The following NLE1 variants were observed in gnomAD, a reference collection of about 807,000 sequenced individuals.
NLE1 encodes notchless protein homolog 1.
NLE1 carries 37 observed loss-of-function variants against 62.8 expected under a neutral mutation model. That is an observed-to-expected ratio of 0.59 (90% CI 0.45 to 0.78). The LOEUF (loss-of-function observed/expected upper bound fraction) is 0.78, where lower values mean the gene tolerates loss of function less well. NLE1 is among the 30% of genes least tolerant of loss of function. The pLI, the probability that NLE1 is intolerant of heterozygous loss-of-function variation, is 0.00. For missense variants in NLE1, 555 were observed against 637.9 expected, an observed-to-expected ratio of 0.87 and a Z score of 1.40; for synonymous variants, 243 against 253.0, an observed-to-expected ratio of 0.96 and a Z score of 0.37.
Position 35,139,223 on chromosome 17 carries a change from T to G in NLE1, c.460+12A>C. 1 of 1,612,200 alleles carries G rather than the reference T, an allele frequency of 6.2e-7. No individual in the cohort carries two copies. The highest frequency in any genetic ancestry group is 1.3e-5 in the African/African-American group (1 of 74,982). On this transcript the variant is annotated intron_variant, in intron 4 of 12. Coordinates refer to ENST00000442241, the MANE Select transcript of NLE1 (RefSeq NM_018096.5). ...AAAAGAAGACCCCCTAAATGGCTAATTGCATACTGACCCTTGCATGTGAAA... is the reference window on the plus strand; with the variant it reads ...AAAAGAAGACCCCCTAAATGGCTAAGTGCATACTGACCCTTGCATGTGAAA...
Position 35,137,548 on chromosome 17 carries a change from G to A in NLE1, c.630C>T (p.Leu210=), listed in dbSNP as rs764758756. 1.1e-5 allele frequency: 17 copies of A among 1,607,860 alleles called. No individual in the cohort carries two copies. Among genetic ancestry groups the A allele is most frequent in the East Asian group, 2.2e-5 (1 of 44,870 alleles). The change falls in exon 6 of 13, where the codon CTC becomes CTT. Residue 210 remains leucine, a synonymous_variant. Coordinates refer to ENST00000442241, the MANE Select transcript of NLE1 (RefSeq NM_018096.5). ...GCTCCGTCAGTGTCACTTACGCATG[G>A]AGGGGCTCCCAGCTCAGGCCTGTGA... is the stretch of plus-strand genomic sequence containing the variant. The part of the protein sequence containing the change: ...KWITGLSWEP[L]HANPECRYVA...
chr17:35,136,934 T>C, intron 7 of NLE1, 67 bp downstream of exon 7: 2 of 1,414,070 alleles, frequency 1.4e-6, no homozygotes, highest in South Asian at 1.3e-5. Context: ...GTCAAGGTCA[T>C]TCTGAGTGCC....
intron 12 of NLE1, among the ~76,000 whole-genome samples, chr17:35,132,726 CCCT>C (rs1424794305): frequency 2.0e-5 from 3 of 152,164 alleles, no homozygotes; most frequent in African/African-American, 4.8e-5. Flanking sequence ...AGAGTGTTGA[CCCT>C]CCTATTTTTG....
In NLE1 at chr17:35,130,460, A is replaced by G. The variant is rs755774636; in HGVS notation, c.*1977T>C. 1 of 1,605,588 alleles carries G rather than the reference A, an allele frequency of 6.2e-7. No individual in the cohort carries two copies. The highest frequency in any genetic ancestry group is 8.5e-7 in the Non-Finnish European group (1 of 1,175,396). ...GGGGGAGGGCCCCAGGACACCCCTC[A>G]CCTACTTTCAGCTTCAACCCCAGGC... On this transcript the variant is annotated 3_prime_UTR_variant, in exon 13 of 13. Coordinates refer to ENST00000442241, the MANE Select transcript of NLE1 (RefSeq NM_018096.5).
intron 9 of NLE1, 29 bp from the exon 10 acceptor site, chr17:35,135,480 GGGTGT>G (rs1158268712): frequency 2.5e-6 from 4 of 1,607,358 alleles, no homozygotes; most frequent in Non-Finnish European, 3.4e-6. Flanking sequence ...ACACTGTGTT[GGGTGT>G]GGTCTCAGAA....
Position 35,136,428 on chromosome 17 carries a change from C to T in NLE1, c.898G>A (p.Ala300Thr). ...VNTMALSTDY[A>T]LRTGAFEPAE... The stretch of plus-strand genomic sequence containing the variant: ...GGTTCAAAGGCCCCAGTGCGCAGGG[C>T]ATAGTCAGTGCTGAGGGCCATGGTG... Residue 300 changes from alanine to threonine, a missense_variant, in exon 8 of 13, where the codon GCC (alanine) becomes ACC (threonine). Coordinates refer to ENST00000442241, the MANE Select transcript of NLE1 (RefSeq NM_018096.5). 2.5e-6 allele frequency: 4 copies of T among 1,614,166 alleles called. No individual in the cohort carries two copies. Among genetic ancestry groups the T allele is most frequent in the Middle Eastern group, 1.6e-4 (1 of 6,062 alleles).
intron 9 of NLE1, 115 bp downstream of exon 9, chr17:35,136,054 T>C: frequency 1.0e-6 from 1 of 982,232 alleles, no homozygotes; most frequent in South Asian, 1.9e-5. Flanking sequence ...GAACAACTTT[T>C]TGGAATAGGT....
At chr17:35,140,537 C>T (rs1198131305) in intron 2 of NLE1, among the ~76,000 whole-genome samples, 1 of 151,690 alleles carries the variant, frequency 6.6e-6, no homozygotes, top group Non-Finnish European at 1.5e-5. Context: ...CCTAGCAAGA[C>T]CTTTTAAGTC....
In NLE1 at chr17:35,136,506, G is replaced by C. The variant is rs2142504986; in HGVS notation, c.829-9C>G. 1.9e-6 allele frequency: 3 copies of C among 1,606,850 alleles called. No individual in the cohort carries two copies. Among genetic ancestry groups the C allele is most frequent in the African/African-American group, 2.7e-5 (2 of 74,936 alleles). ...GTCCGGCACAGCACACCCTACGGGA[G>C]AGCGAGTCAGGTCAGACACACACAC... On this transcript the variant is annotated splice_polypyrimidine_tract_variant and intron_variant, in intron 7 of 12. Coordinates refer to ENST00000442241, the MANE Select transcript of NLE1 (RefSeq NM_018096.5).
At chr17:35,133,074 G>T in intron 12 of NLE1, 97 bp downstream of exon 12, 2 of 1,202,450 alleles carry the variant, frequency 1.7e-6, no homozygotes. Context: ...CACCTGGACG[G>T]CCCTGCGGAA....
At chr17:35,132,806 T>C (rs866519539) in intron 12 of NLE1, among the ~76,000 whole-genome samples, 3 of 152,262 alleles carry the variant, frequency 2.0e-5, no homozygotes, top group Non-Finnish European at 4.4e-5. Flanking sequence ...GATTACTCCA[T>C]GGCAGAACCA....
chr17:35,130,193 G>C lies in NLE1; in HGVS notation c.*2244C>G. The C allele has an allele frequency of 6.5e-7, 1 of 1,529,936 alleles. No homozygotes were observed. Among genetic ancestry groups the C allele is most frequent in the South Asian group, 1.3e-5 (1 of 76,802 alleles). 94.8% of individuals were successfully genotyped at this position (1,529,936 alleles called of 1,614,324 possible). A position where few individuals can be genotyped will look rare whatever the true frequency, so the allele number is the denominator to read the frequency against. ...AGGCTGTTTAAGGTCTGAGTCAGCAGACAGAAAAAAAAGGGGTGATAGAGA... is the reference window on the plus strand; with the variant it reads ...AGGCTGTTTAAGGTCTGAGTCAGCACACAGAAAAAAAAGGGGTGATAGAGA... On this transcript the variant is annotated 3_prime_UTR_variant, in exon 13 of 13. Coordinates refer to ENST00000442241, the MANE Select transcript of NLE1 (RefSeq NM_018096.5).
intron 5 of NLE1, 62 bp from the exon 6 acceptor site, chr17:35,137,702 C>T: frequency 6.6e-7 from 1 of 1,509,178 alleles, no homozygotes; most frequent in East Asian, 2.3e-5. Context: ...ACCAAAATCC[C>T]TGCCTACCAC....
In NLE1 at chr17:35,129,575, G is replaced by C. The variant is rs2091863980; in HGVS notation, c.*2862C>G. ...TTTGGGCACTACTGTCAAGCTGATG[G>C]AGCTAAAGCCTAACACGTGTTACTG... On this transcript the variant is annotated 3_prime_UTR_variant, in exon 13 of 13. Transcript: ENST00000442241. The C allele has an allele frequency of 6.2e-7, 1 of 1,614,082 alleles. No homozygotes were observed. Among genetic ancestry groups the C allele is most frequent in the African/African-American group, 1.3e-5 (1 of 74,916 alleles).
rs371477006 is a variant in NLE1 at position 35,129,274 on chromosome 17, G to A, written c.*3163C>T. On this transcript the variant is annotated 3_prime_UTR_variant, in exon 13 of 13. Coordinates refer to ENST00000442241, the MANE Select transcript of NLE1 (RefSeq NM_018096.5). ...GGGCAGGGGTTCCACACTCAGTGCT[G>A]CAGTACCTTGCACCTTCCATCTGAC... The A allele has an allele frequency of 1.0e-5, 10 of 981,682 alleles. No homozygotes were observed. In the African/African-American group the frequency reaches 1.5e-4, roughly 14 times the overall value. The allele number at this position is 981,682 out of a possible 1,614,324, so 60.8% of individuals were successfully genotyped here.
At chr17:35,141,905 C>A (rs2091946382) in intron 2 of NLE1, 74 bp downstream of exon 2, 2 of 1,474,040 alleles carry the variant, frequency 1.4e-6, no homozygotes, top group Admixed American at 2.0e-5. Flanking sequence ...GAACCGCAGA[C>A]CCTCGGTAAT....
In NLE1 at chr17:35,130,233, G is replaced by A; in HGVS notation, c.*2204C>T. The A allele has an allele frequency of 6.3e-7, 1 of 1,594,466 alleles. No homozygotes were observed. Among genetic ancestry groups the A allele is most frequent in the African/African-American group, 1.3e-5 (1 of 74,202 alleles). ...GGTGATAGAGACAGAGAGAGAGCCA[G>A]GTTCAGATCTGGGAAGGAACTCTGA... On this transcript the variant is annotated 3_prime_UTR_variant, in exon 13 of 13. Coordinates refer to ENST00000442241, the MANE Select transcript of NLE1 (RefSeq NM_018096.5).
intron 6 of NLE1, 91 bp downstream of exon 6, chr17:35,137,452 C>G: frequency 7.3e-6 from 8 of 1,095,764 alleles, no homozygotes; most frequent in Non-Finnish European, 1.1e-5. Flanking sequence ...CCATCTTGTC[C>G]CCTCACGTAA....
At position 35,129,613 on chromosome 17, in the gene NLE1, T is replaced by A. The variant is rs1161656008; in HGVS notation, c.*2824A>T. On this transcript the variant is annotated 3_prime_UTR_variant, in exon 13 of 13. Transcript: ENST00000442241. The stretch of plus-strand genomic sequence containing the variant: ...ACACGTGTTACTGCCTCAGTGTCCG[T>A]GCAGCCAACACAGCTGGGGTGGGGA... The A allele has an allele frequency of 6.2e-7, 1 of 1,614,140 alleles. No individual in the cohort carries two copies.
Sources: gnomAD v4.1 joint callset for allele counts (sites outside exome capture counted in the v4.1 genomes callset) on GRCh38, gnomAD v4.1.1 for gene constraint, MANE v1.5 for transcripts, NCBI Gene and HGNC (gene_info 2026-07-23, HGNC 2026-07-21) for gene names.